Variants in RGS7 observed in about 807,000 individuals in gnomAD.
RGS7 encodes the protein regulator of G protein signaling 7.
RGS7 carries 27 observed loss-of-function variants against 81.1 expected under a neutral mutation model. The ratio of observed to expected loss-of-function variants is 0.33; its 90% CI spans 0.25 to 0.46. The LOEUF is 0.46. RGS7 is among the 20% of genes least tolerant of loss of function. RGS7 has a pLI of 1.00. For synonymous variants in RGS7, 208 were observed against 207.7 expected, an observed-to-expected ratio of 1.00 and a Z score of -0.01; for missense variants, 396 against 607.4, an observed-to-expected ratio of 0.65 and a Z score of 3.66.
At chr1:241,340,396 G>A (rs979270238) in intron 2 of RGS7, among the ~76,000 whole-genome samples, 1 of 152,024 alleles carries the variant, frequency 6.6e-6, no homozygotes, top group Non-Finnish European at 1.5e-5. Context: ...ATAAAAGGAT[G>A]GGGAGACTAA....
At chr1:241,088,534 T>C (rs920372360) in intron 3 of RGS7, among the ~76,000 whole-genome samples, 1 of 152,042 alleles carries the variant, frequency 6.6e-6, no homozygotes, top group Non-Finnish European at 1.5e-5. Flanking sequence ...ATTTTAACCA[T>C]GAACACCCCA....
chr1:240,858,777 T>C (rs1211453917), intron 9 of RGS7, among the ~76,000 whole-genome samples: 1 of 152,212 alleles, frequency 6.6e-6, no homozygotes, highest in Non-Finnish European at 1.5e-5. Flanking sequence ...CCTGTAGAAG[T>C]AATCAATTAT....
intron 2 of RGS7, among the ~76,000 whole-genome samples, chr1:241,308,320 C>A (rs897765178): frequency 6.6e-6 from 1 of 152,178 alleles, no homozygotes; most frequent in Non-Finnish European, 1.5e-5. Flanking sequence ...TAGCCTAGAA[C>A]CACCAAAAAT....
Position 241,351,437 on chromosome 1 carries a change from A to AC in RGS7, c.78+4261_78+4262insG, listed in dbSNP as rs1373436392. Among the ~76,000 whole-genome samples the AC allele has an allele frequency of 2.0e-5, 3 of 149,710 alleles. No homozygotes were observed. In the East Asian group the frequency reaches 5.9e-4, roughly 29 times the overall value. On this transcript the variant is annotated intron_variant, in intron 2 of 18. Transcript: ENST00000440928. ...CTGACTTTATTTAAAAAAAAAAAAAATAGAATGGAGCAATCTTAACCCTAA... is the reference window on the plus strand; with the variant it reads ...CTGACTTTATTTAAAAAAAAAAAAAACTAGAATGGAGCAATCTTAACCCTAA...
intron 18 of RGS7, among the ~76,000 whole-genome samples, chr1:240,793,613 T>TATATATATATATATATATATATA (rs1558259636): frequency 1.1e-5 from 1 of 88,404 alleles, no homozygotes; most frequent in Non-Finnish European, 1.9e-5. Flanking sequence ...ATATATATAT[T>TATATATATATATATATATATATA]TTTTTTTTTT....
At chr1:241,077,904 A>G (rs1364827661) in intron 3 of RGS7, among the ~76,000 whole-genome samples, 1 of 152,202 alleles carries the variant, frequency 6.6e-6, no homozygotes, top group Non-Finnish European at 1.5e-5. Flanking sequence ...AACTAAGTGC[A>G]GAATGAAGCA....
intron 2 of RGS7, among the ~76,000 whole-genome samples, chr1:241,291,829 G>A (rs765950009): frequency 4.6e-5 from 7 of 152,214 alleles, no homozygotes; most frequent in Admixed American, 3.3e-4. Flanking sequence ...ACCCGCCTCA[G>A]CCTCAAAGTG....
chr1:240,817,609 T>G (rs138035575), intron 10 of RGS7, among the ~76,000 whole-genome samples: 3,934 of 152,038 alleles, frequency 0.026, 91 homozygotes, highest in Non-Finnish European at 0.042. Flanking sequence ...TCCTTTTTAT[T>G]TTTATTTTTT....
At chr1:241,098,618 A>C (rs770018512) in intron 3 of RGS7, 48 bp downstream of exon 3, 6 of 1,239,614 alleles carry the variant, frequency 4.8e-6, no homozygotes, top group Non-Finnish European at 7.1e-6. Context: ...TTAAAGAGTT[A>C]TCTAAGAGGT....
At chr1:240,953,389 A>G (rs1360360077) in intron 4 of RGS7, among the ~76,000 whole-genome samples, 1 of 151,950 alleles carries the variant, frequency 6.6e-6, no homozygotes, top group Non-Finnish European at 1.5e-5. Context: ...CATACAAAGT[A>G]TATTCTCAGA....
At chr1:241,190,006 G>A (rs73131672) in intron 2 of RGS7, among the ~76,000 whole-genome samples, 312 of 152,260 alleles carry the variant, frequency 2.0e-3, no homozygotes, top group African/African-American at 6.9e-3. Context: ...GGGAGGCTGA[G>A]GCAGGAGAAT....
At chr1:241,104,182 CCAT>C (rs763268211) in intron 2 of RGS7, among the ~76,000 whole-genome samples, 3 of 151,938 alleles carry the variant, frequency 2.0e-5, no homozygotes, top group Non-Finnish European at 2.9e-5. Context: ...ACCACCAACA[CCAT>C]CATCATCATC....
rs137885969 is a variant in RGS7, at chr1:241,211,622, G to A, written c.79-112860C>T. On this transcript the variant is annotated intron_variant, in intron 2 of 18. Transcript: ENST00000440928. Reference sequence around the variant, plus strand: ...ATTTTCTAGCTGCAGCACCAGTCCTGTTTATAAAAACCGGTCAAATCAATC... The same window carrying A: ...ATTTTCTAGCTGCAGCACCAGTCCTATTTATAAAAACCGGTCAAATCAATC... 1.3e-4 allele frequency among the ~76,000 whole-genome samples: 20 copies of A among 152,296 alleles called. 1 individual carries two copies. Among genetic ancestry groups the A allele is most frequent in the Non-Finnish European group, 2.4e-4 (16 of 68,020 alleles).
intron 6 of RGS7, among the ~76,000 whole-genome samples, chr1:240,916,939 C>T (rs1043771982): frequency 1.1e-4 from 16 of 152,112 alleles, no homozygotes; most frequent in Non-Finnish European, 1.9e-4. Flanking sequence ...ATCAGAGCAA[C>T]CACAGACATA....
chr1:241,325,648 C>G (rs1012934684), intron 2 of RGS7, among the ~76,000 whole-genome samples: 5 of 152,176 alleles, frequency 3.3e-5, no homozygotes, highest in Non-Finnish European at 5.9e-5. Context: ...AACTTTTATA[C>G]AGAGACCATT....
At position 241,144,792 on chromosome 1, in the gene RGS7, A is replaced by T. The variant is rs931532240; in HGVS notation, c.79-46030T>A. On this transcript the variant is annotated intron_variant, in intron 2 of 18. Coordinates refer to ENST00000440928, the MANE Select transcript of RGS7 (RefSeq NM_001364886.1). This position sits in a 1 kb window ranked among gnomAD's most constrained non-coding sequence, Gnocchi z 4.7. ...CGCCTGTTGGGCAAAGGAACCCTGG[A>T]ACTCGTTGAGGTTGCAGGAACATAC... is the stretch of plus-strand genomic sequence containing the variant. Among the ~76,000 whole-genome samples the T allele has an allele frequency of 6.6e-6, 1 of 152,166 alleles. No homozygotes were observed. The highest frequency in any genetic ancestry group is 1.9e-4 in the East Asian group (1 of 5,188).
At chr1:240,896,101 G>T (rs1382622328) in intron 6 of RGS7, among the ~76,000 whole-genome samples, 2 of 152,164 alleles carry the variant, frequency 1.3e-5, no homozygotes, top group Non-Finnish European at 2.9e-5. Flanking sequence ...AGAAGTGTCT[G>T]TTCATATCCT....
In RGS7 at chr1:240,966,022, C is replaced by T. The variant is rs111384416; in HGVS notation, c.226+17057G>A. On this transcript the variant is annotated intron_variant, in intron 4 of 18. Transcript: ENST00000440928. ...GTGCTTAATAGCTCTTCGTCGTATACCCGACTGAGCAGAAATATCTCAGTG... is the reference window on the plus strand; with the variant it reads ...GTGCTTAATAGCTCTTCGTCGTATATCCGACTGAGCAGAAATATCTCAGTG... Among the ~76,000 whole-genome samples, 512 of 152,212 alleles carry T rather than the reference C, an allele frequency of 3.4e-3. 3 individuals are homozygous for T. Among genetic ancestry groups the T allele is most frequent in the South Asian group, 0.018 (86 of 4,818 alleles).
chr1:240,820,781 A>G (rs747086301), intron 10 of RGS7, among the ~76,000 whole-genome samples: 1 of 152,156 alleles, frequency 6.6e-6, no homozygotes, highest in African/African-American at 2.4e-5. Context: ...ATTGTGAGCA[A>G]TACATTTCTG....
Sources: allele counts gnomAD v4.1 joint callset (sites outside exome capture counted in the v4.1 genomes callset), GRCh38; gene constraint gnomAD v4.1.1; non-coding constraint Gnocchi (gnomAD v3.1); transcripts MANE v1.5; gene names NCBI Gene and HGNC (gene_info 2026-07-23, HGNC 2026-07-21).